KHDRBS2: variants seen among roughly 807,000 people sequenced by gnomAD.
The protein encoded by KHDRBS2 is KH RNA binding domain containing, signal transduction associated 2.
In KHDRBS2, 26 loss-of-function variants were observed where a neutral mutation model predicts 44.3. The ratio of observed to expected loss-of-function variants is 0.59; its 90% CI spans 0.43 to 0.81. The LOEUF (loss-of-function observed/expected upper bound fraction) is 0.81, where lower values mean the gene tolerates loss of function less well. Ranked by LOEUF, KHDRBS2 falls within the 40% of genes least tolerant of loss-of-function variation. The pLI is 0.00. For synonymous variants in KHDRBS2, 194 were observed against 151.1 expected, an observed-to-expected ratio of 1.28 and a Z score of -2.08; for missense variants, 476 against 433.1, an observed-to-expected ratio of 1.10 and a Z score of -0.88.
intron 2 of KHDRBS2, among the ~76,000 whole-genome samples, chr6:62,126,365 T>C (rs1232268483): frequency 6.6e-6 from 1 of 152,214 alleles, no homozygotes; most frequent in Non-Finnish European, 1.5e-5. Flanking sequence ...AGGTTTCCAA[T>C]TCTAGGCCCT....
At position 61,955,076 on chromosome 6, in the gene KHDRBS2, G is replaced by T. The variant is rs536177416; in HGVS notation, c.483+22990C>A. 3.0e-3 allele frequency among the ~76,000 whole-genome samples: 417 copies of T among 139,454 alleles called. 13 individuals carry two copies. Among genetic ancestry groups the T allele is most frequent in the East Asian group, 0.028 (123 of 4,368 alleles). The allele number at this position is 139,454 out of a possible 152,430, so 91.5% of individuals were successfully genotyped here. A position where few individuals can be genotyped will look rare whatever the true frequency, so the allele number is the denominator to read the frequency against. Reference sequence around the variant, plus strand: ...TATATGTATGTATACACATATACGTGTGTATGTATGCATACATATATGTAT... The same window carrying T: ...TATATGTATGTATACACATATACGTTTGTATGTATGCATACATATATGTAT... On this transcript the variant is annotated intron_variant, in intron 4 of 8. Transcript: ENST00000281156.
chr6:62,166,960 G>A (rs1163912619), intron 2 of KHDRBS2, among the ~76,000 whole-genome samples: 1 of 152,030 alleles, frequency 6.6e-6, no homozygotes, highest in East Asian at 1.9e-4. Context: ...ATTGTAGAGA[G>A]GGCCATGAGA....
chr6:61,811,804 C>T (rs1390913832), intron 6 of KHDRBS2, among the ~76,000 whole-genome samples: 1 of 151,958 alleles, frequency 6.6e-6, no homozygotes, highest in Non-Finnish European at 1.5e-5. Flanking sequence ...CTAAATGTCA[C>T]AAAATTCCTT....
chr6:62,135,031 A>AT (rs1379058359), intron 2 of KHDRBS2, among the ~76,000 whole-genome samples: 1 of 152,142 alleles, frequency 6.6e-6, no homozygotes, highest in Non-Finnish European at 1.5e-5. Flanking sequence ...GGAAGGCATG[A>AT]TTGATTTTGG....
At chr6:62,095,175 TAAAGAAAGC>T (rs1285468795) in intron 2 of KHDRBS2, among the ~76,000 whole-genome samples, 2 of 151,728 alleles carry the variant, frequency 1.3e-5, no homozygotes, top group Non-Finnish European at 3.0e-5. Context: ...GAAAAAGAAA[TAAAGAAAGC>T]AATCCCTTTC....
At chr6:62,124,804 T>A (rs1808558254) in intron 2 of KHDRBS2, among the ~76,000 whole-genome samples, 1 of 152,212 alleles carries the variant, frequency 6.6e-6, no homozygotes, top group Non-Finnish European at 1.5e-5. Flanking sequence ...ATTTTTTTAA[T>A]AAATCTCCAT....
the KHDRBS2 span, among the ~76,000 whole-genome samples, chr6:61,640,387 T>G: frequency 5.3e-5 from 8 of 152,238 alleles, no homozygotes; most frequent in African/African-American, 1.9e-4. Context: ...AATTATTCAG[T>G]TATTTAAGAC....
chr6:61,735,459 T>C (rs887663744), intron 6 of KHDRBS2, among the ~76,000 whole-genome samples: 10 of 152,172 alleles, frequency 6.6e-5, no homozygotes, highest in African/African-American at 2.4e-4. Flanking sequence ...CAAGCATTTA[T>C]GAATTTTGTA....
At chr6:61,575,471 T>C in the KHDRBS2 span, among the ~76,000 whole-genome samples, 1 of 152,118 alleles carries the variant, frequency 6.6e-6, no homozygotes, top group Non-Finnish European at 1.5e-5. Context: ...TGTTGGCACG[T>C]AAATGGTAAA....
At position 62,042,977 on chromosome 6, in the gene KHDRBS2, AT is replaced by A. The variant is rs1786874554; in HGVS notation, c.336+4900del. On this transcript the variant is annotated intron_variant, in intron 3 of 8. Coordinates refer to ENST00000281156, the MANE Select transcript of KHDRBS2 (RefSeq NM_152688.4). ...TAACAGAAATGCCAAAATACCTTTC[AT>A]TACAACATAATTTGTTCACAACATG... 5.3e-5 allele frequency among the ~76,000 whole-genome samples: 8 copies of A among 152,230 alleles called. No individual in the cohort carries two copies. The South Asian group carries it at 1.7e-3, about 32-fold the overall frequency.
At chr6:62,153,727 C>T (rs1815734349) in intron 2 of KHDRBS2, among the ~76,000 whole-genome samples, 1 of 152,126 alleles carries the variant, frequency 6.6e-6, no homozygotes, top group African/African-American at 2.4e-5. Context: ...CTGTCAGACT[C>T]ACTCAATCCT....
intron 1 of KHDRBS2, among the ~76,000 whole-genome samples, chr6:62,198,777 C>T (rs1277440112): frequency 2.0e-5 from 3 of 152,034 alleles, no homozygotes; most frequent in Admixed American, 1.3e-4. Flanking sequence ...GGCAGAGACA[C>T]AACAGAAAAA....
chr6:61,556,461 A>G, the KHDRBS2 span, among the ~76,000 whole-genome samples: 1 of 152,298 alleles, frequency 6.6e-6, no homozygotes, highest in East Asian at 1.9e-4. Context: ...ATTCAAATAC[A>G]TTCATTGGCA....
At chr6:61,848,368 G>A (rs780496990) in intron 6 of KHDRBS2, among the ~76,000 whole-genome samples, 46 of 147,012 alleles carry the variant, frequency 3.1e-4, no homozygotes, top group Admixed American at 5.6e-4. Context: ...CAAGCAGGTC[G>A]CAATGTTGCA....
At chr6:61,882,693 G>T (rs1800375535) in intron 6 of KHDRBS2, among the ~76,000 whole-genome samples, 1 of 151,902 alleles carries the variant, frequency 6.6e-6, no homozygotes, top group African/African-American at 2.4e-5. Flanking sequence ...AGATATTATA[G>T]AAAATAATCA....
At chr6:61,880,222 T>C (rs1196594123) in intron 6 of KHDRBS2, among the ~76,000 whole-genome samples, 3 of 151,904 alleles carry the variant, frequency 2.0e-5, no homozygotes, top group African/African-American at 4.8e-5. Flanking sequence ...AGATTTAAGA[T>C]AGTTTTGGAG....
chr6:61,867,789 A>C (rs1798001947), intron 6 of KHDRBS2, among the ~76,000 whole-genome samples: 1 of 152,192 alleles, frequency 6.6e-6, no homozygotes, highest in South Asian at 2.1e-4. Flanking sequence ...GAAGGCTGTC[A>C]AACAGCCAAG....
chr6:62,081,442 A>C lies in KHDRBS2; in HGVS notation c.220-33448T>G, dbSNP rs139167679. Among the ~76,000 whole-genome samples, 37 of 152,292 alleles carry C rather than the reference A, an allele frequency of 2.4e-4. No homozygotes were observed. The East Asian group carries it at 6.0e-3, about 25-fold the overall frequency. ...TTCTTGAGTATTAAAGTTGTGTCTAAACAGAGAGTGAGTTTGACAATTGTG... is the reference window on the plus strand; with the variant it reads ...TTCTTGAGTATTAAAGTTGTGTCTACACAGAGAGTGAGTTTGACAATTGTG... On this transcript the variant is annotated intron_variant, in intron 2 of 8. Coordinates refer to ENST00000281156, the MANE Select transcript of KHDRBS2 (RefSeq NM_152688.4).
intron 6 of KHDRBS2, among the ~76,000 whole-genome samples, chr6:61,854,736 G>A (rs1795919099): frequency 6.6e-6 from 1 of 152,136 alleles, no homozygotes; most frequent in Admixed American, 6.6e-5. Context: ...ACAGAATAAA[G>A]TGAGGTATGA....
Sources: gnomAD v4.1 joint callset for allele counts (sites outside exome capture counted in the v4.1 genomes callset) on GRCh38, gnomAD v4.1.1 for gene constraint, MANE v1.5 for transcripts, NCBI Gene and HGNC (gene_info 2026-07-23, HGNC 2026-07-21) for gene names.